The following FANCM variants were observed in gnomAD, a reference collection of about 807,000 sequenced individuals.
The protein encoded by FANCM is FA complementation group M, also known as Fanconi anemia group M protein.
A neutral mutation model predicts 199.5 loss-of-function variants in FANCM; 140 were observed. That is an observed-to-expected ratio of 0.70 (90% CI 0.61 to 0.81). FANCM has a LOEUF of 0.81. Among genes scored for constraint, FANCM ranks in the 30% least tolerant of loss-of-function variants. The probability of loss-of-function intolerance (pLI) is 0.00; values close to 1 mark genes in which losing one functional copy is unlikely to be tolerated. For missense variants in FANCM, 2,410 were observed against 2,421.4 expected (o/e 1.00, Z 0.10); for synonymous variants, 840 against 836.8 (o/e 1.00, Z -0.07).
rs138201476 is a variant in FANCM, at chr14:45,167,010, C to T, written c.1849C>T (p.Gln617Ter). The T allele has an allele frequency of 1.9e-6, 3 of 1,610,138 alleles. No homozygotes were observed. The highest frequency in any genetic ancestry group is 3.3e-5 in the Admixed American group (2 of 59,990). Residue 617 changes from glutamine (Q) to a stop codon, truncating the protein, a stop_gained, in exon 11 of 23, where the codon CAG becomes TAG. Transcript: ENST00000267430. LOFTEE classifies it high-confidence loss of function. ...ATATAAAGCTATTTCAAGTAACAGG[C>T]AGGTCCTTCATTTTTACCAAAGAAG... is the stretch of plus-strand genomic sequence containing the variant. ...SIYKAISSNR[Q>*]VLHFYQRSPR...
At chr14:45,136,874 T>G (rs1885555327) in intron 1 of FANCM, among the ~76,000 whole-genome samples, 195 bp from the exon 2 acceptor site, 1 of 152,250 alleles carries the variant, frequency 6.6e-6, no homozygotes, top group Non-Finnish European at 1.5e-5. Flanking sequence ...ACAATTTGGT[T>G]GTAGTCCTAG....
chr14:45,185,110 A>G lies in FANCM; in HGVS notation c.4516-107A>G, dbSNP rs1423456730. The G allele has an allele frequency of 1.9e-5, 15 of 807,822 alleles. No individual in the cohort carries two copies. In the East Asian group the frequency reaches 4.0e-4, roughly 22 times the overall value. 50.0% of individuals were successfully genotyped at this position (807,822 alleles called of 1,614,324 possible). A position where few individuals can be genotyped will look rare whatever the true frequency, so the allele number is the denominator to read the frequency against. On this transcript the variant is annotated intron_variant, in intron 17 of 22. Transcript: ENST00000267430. ...AAATTTTGTTTTTATTATTTTATTA[A>G]TCTTAAAAGCATTGATAAGAAATCA...
At chr14:45,164,280 G>A (rs1887805933) in intron 9 of FANCM, 79 bp from the exon 10 acceptor site, 1 of 1,174,972 alleles carries the variant, frequency 8.5e-7, no homozygotes, top group South Asian at 1.2e-5. Flanking sequence ...TATTTTTCAG[G>A]TGAGTGGGGA....
In FANCM at chr14:45,175,383, T is replaced by C. The variant is rs1383175267; in HGVS notation, c.2629T>C (p.Ser877Pro). The part of the protein sequence containing the change: ...KKENNHGIID[S>P]VDNDRNSTVE... ...AGAAAATAATCACGGTATTATAGATTCTGTAGATAATGACAGAAATTCCAC... is the reference window on the plus strand; with the variant it reads ...AGAAAATAATCACGGTATTATAGATCCTGTAGATAATGACAGAAATTCCAC... The change falls in exon 14 of 23, where the codon TCT becomes CCT. Residue 877 changes from serine (S) to proline (P), a missense_variant. Physicochemically the swap from Ser to Pro is moderately conservative, Grantham distance 74. Coordinates refer to ENST00000267430, the MANE Select transcript of FANCM (RefSeq NM_020937.4). 6.4e-7 allele frequency: 1 copy of C among 1,563,714 alleles called. No homozygotes were observed. The highest frequency in any genetic ancestry group is 8.7e-7 in the Non-Finnish European group (1 of 1,150,654).
At position 45,137,330 on chromosome 14, in the gene FANCM, A is replaced by G. The variant is rs529830301; in HGVS notation, c.681+89A>G. 77 of 1,007,974 alleles carry G rather than the reference A, an allele frequency of 7.6e-5. No individual in the cohort carries two copies. The African/African-American group carries it at 1.1e-3, about 15-fold the overall frequency. 62.4% of individuals were successfully genotyped at this position (1,007,974 alleles called of 1,614,324 possible). ...TAGTTACTAGTGATGGAAGTTATTGACAATATTATTATAAAAAGCCTTTAC... is the reference window on the plus strand; with the variant it reads ...TAGTTACTAGTGATGGAAGTTATTGGCAATATTATTATAAAAAGCCTTTAC... On this transcript the variant is annotated intron_variant, in intron 2 of 22. Coordinates refer to ENST00000267430, the MANE Select transcript of FANCM (RefSeq NM_020937.4).
chr14:45,140,702 A>G lies in FANCM; in HGVS notation c.752A>G (p.Asp251Gly). 3.2e-6 allele frequency: 5 copies of G among 1,575,228 alleles called. No individual in the cohort carries two copies. Among genetic ancestry groups the G allele is most frequent in the Non-Finnish European group, 4.4e-6 (5 of 1,145,436 alleles). The change falls in exon 3 of 23, where the codon GAT (aspartate) becomes GGT (glycine). Residue 251 changes from aspartate to glycine, a missense_variant. Transcript: ENST00000267430. ...ILALSATPGSDIKAVQQVITN... is the reference protein window; with the variant it reads ...ILALSATPGSGIKAVQQVITN... ...GCTCTAAGTGCCACACCAGGTAGTG[A>G]TATAAAGGTAAGTAAAATGTTTTTC...
intron 3 of FANCM, among the ~76,000 whole-genome samples, chr14:45,143,914 G>A (rs553498712): frequency 1.3e-5 from 2 of 150,578 alleles, no homozygotes; most frequent in African/African-American, 2.5e-5. Context: ...GGCTGGTCTC[G>A]AACCCCTGAC....
chr14:45,144,403 C>T (rs545265999), intron 3 of FANCM, among the ~76,000 whole-genome samples: 1 of 148,842 alleles, frequency 6.7e-6, no homozygotes, highest in Non-Finnish European at 1.5e-5. Flanking sequence ...TTAGCTCCCA[C>T]TAAAAAGTTA....
At position 45,175,569 on chromosome 14, in the gene FANCM, G is replaced by A. The variant is rs1037864411; in HGVS notation, c.2815G>A (p.Gly939Arg). The A allele has an allele frequency of 2.5e-6, 4 of 1,613,290 alleles. No individual in the cohort carries two copies. In the African/African-American group the frequency reaches 5.3e-5, roughly 22 times the overall value. Reference sequence around the variant, plus strand: ...AAATAAATCCACTAGTTCACTTGCTGGAAATGTTTTAGATTCTGGTTATAA... The same window carrying A: ...AAATAAATCCACTAGTTCACTTGCTAGAAATGTTTTAGATTCTGGTTATAA... Reference protein sequence around the residue: ...FTNKSTSSLAGNVLDSGYNSF... With the variant: ...FTNKSTSSLARNVLDSGYNSF... The change falls in exon 14 of 23, where the codon GGA (glycine) becomes AGA (arginine). Residue 939 changes from glycine (G) to arginine (R), a missense_variant. Transcript: ENST00000267430.
intron 18 of FANCM, among the ~76,000 whole-genome samples, chr14:45,185,804 G>A (rs1456589771): frequency 6.6e-6 from 1 of 152,156 alleles, no homozygotes; most frequent in Non-Finnish European, 1.5e-5. Flanking sequence ...AAGAGTTACA[G>A]AAAAATAAAA....
rs540483566 is a variant in FANCM at position 45,195,431 on chromosome 14, T to G, written c.5341-741T>G. On this transcript the variant is annotated intron_variant, in intron 20 of 22. Transcript: ENST00000267430. ...TCCTTTCTGTTTTTATGGAGTAGAT[T>G]TATTTTTTATTTGCGCTTATAATAA... 289 of 422,266 alleles carry G rather than the reference T, an allele frequency of 6.8e-4. 2 individuals carry two copies. The highest frequency in any genetic ancestry group is 5.7e-3 in the African/African-American group (275 of 48,304). 26.2% of individuals were successfully genotyped at this position (422,266 alleles called of 1,614,324 possible).
At chr14:45,188,463 G>A (rs1348335101) in intron 19 of FANCM, among the ~76,000 whole-genome samples, 1 of 152,032 alleles carries the variant, frequency 6.6e-6, no homozygotes. Flanking sequence ...TATTAGTTGT[G>A]TTTGTTTATA....
chr14:45,169,347 G>C (rs1349503211), intron 11 of FANCM, among the ~76,000 whole-genome samples: 1 of 151,506 alleles, frequency 6.6e-6, no homozygotes, highest in Non-Finnish European at 1.5e-5. Flanking sequence ...TACAGATGAG[G>C]AAACAGATGC....
At chr14:45,179,401 T>C (rs1888918531) in intron 14 of FANCM, among the ~76,000 whole-genome samples, 1 of 152,114 alleles carries the variant, frequency 6.6e-6, no homozygotes, top group Admixed American at 6.6e-5. Context: ...TTGTTCGCCA[T>C]CAGGAGAGGC....
intron 1 of FANCM, 27 bp downstream of exon 1, chr14:45,136,566 G>A (rs2139104421): frequency 6.2e-7 from 1 of 1,608,028 alleles, no homozygotes; most frequent in African/African-American, 1.3e-5. Flanking sequence ...TAATTTTGAA[G>A]TAAGAGCTGG....
chr14:45,173,444 A>G (rs533722974), intron 13 of FANCM, among the ~76,000 whole-genome samples: 1 of 152,274 alleles, frequency 6.6e-6, no homozygotes, highest in South Asian at 2.1e-4. Context: ...ATATACTTAA[A>G]TGATTTATGT....
chr14:45,154,102 C>G, intron 6 of FANCM, 50 bp downstream of exon 6: 2 of 1,393,360 alleles, frequency 1.4e-6, no homozygotes, highest in Non-Finnish European at 2.0e-6. Flanking sequence ...ATTATTTTGG[C>G]TAAAGACATA....
rs141729590 is a variant in FANCM, at chr14:45,154,762, G to C, written c.1249G>C (p.Glu417Gln). ...EDFMKLYNHLECMFARTRSTS... is the reference protein window; with the variant it reads ...EDFMKLYNHLQCMFARTRSTS... ...CTTCATGAAACTCTATAATCATCTAGAGTGTATGTTTGCACGTACACGTAG... is the reference window on the plus strand; with the variant it reads ...CTTCATGAAACTCTATAATCATCTACAGTGTATGTTTGCACGTACACGTAG... Residue 417 changes from glutamate to glutamine, a missense_variant, in exon 7 of 23, where the codon GAG becomes CAG. Coordinates refer to ENST00000267430, the MANE Select transcript of FANCM (RefSeq NM_020937.4). 51 of 1,603,484 alleles carry C rather than the reference G, an allele frequency of 3.2e-5. No individual in the cohort carries two copies. The African/African-American group carries it at 6.0e-4, about 19-fold the overall frequency.
chr14:45,141,287 CAAAAAAAAA>C (rs534567010), intron 3 of FANCM, among the ~76,000 whole-genome samples: 1,767 of 45,074 alleles, frequency 0.039, 56 homozygotes, highest in African/African-American at 0.12. Context: ...GGCTCCGTCT[CAAAAAAAAA>C]AAAAAAAAAA....
Sources: allele counts gnomAD v4.1 joint callset (sites outside exome capture counted in the v4.1 genomes callset), GRCh38; gene constraint gnomAD v4.1.1; transcripts MANE v1.5; gene names NCBI Gene and HGNC (gene_info 2026-07-23, HGNC 2026-07-21).